C4orf54: variants seen among roughly 807,000 people sequenced by gnomAD.
C4orf54 encodes chromosome 4 open reading frame 54, also known as uncharacterized protein C4orf54.
Under a neutral mutation model 80.1 loss-of-function variants are expected in C4orf54, and 67 were observed. The ratio of observed to expected loss-of-function variants is 0.84; its 90% CI spans 0.69 to 1.03. The LOEUF (loss-of-function observed/expected upper bound fraction) is 1.03. C4orf54 is among the 50% of genes least tolerant of loss of function. C4orf54 has a pLI of 0.00. For synonymous variants in C4orf54, 1,000 were observed against 917.0 expected (o/e 1.09, Z -1.64); for missense variants, 2,434 against 2,253.5 (o/e 1.08, Z -1.62).
In C4orf54 at chr4:99,653,874, C is replaced by CA. The variant is rs1320905835; in HGVS notation, c.774dup (p.Ala259CysfsTer3). On this transcript the variant is annotated frameshift_variant, in exon 2 of 3. Coordinates refer to ENST00000511828, the MANE Select transcript of C4orf54 (RefSeq NM_001354435.2). LOFTEE classifies it high-confidence loss of function. The stretch of plus-strand genomic sequence containing the variant: ...GAGAAATTGCCACCCTCTTCAGAGG[C>CA]AGAGTGCTGGGATCTAGAGAGTTGG... 6.5e-7 allele frequency: 1 copy of CA among 1,536,174 alleles called. No homozygotes were observed. Among genetic ancestry groups the CA allele is most frequent in the African/African-American group, 1.4e-5 (1 of 73,038 alleles).
Position 99,652,027 on chromosome 4 carries a change from G to A in C4orf54, c.2622C>T (p.Ser874=), listed in dbSNP as rs113040434. The part of the protein sequence containing the change: ...RQSSRHSEAG[S]EYTVVSMSDA... ...CGGACATGCTGACCACTGTGTACTC[G>A]GAGCCGGCCTCGGAGTGACGAGAGC... The change falls in exon 2 of 3, where the codon TCC becomes TCT. Residue 874 remains serine (S), a synonymous_variant. Coordinates refer to ENST00000511828, the MANE Select transcript of C4orf54 (RefSeq NM_001354435.2). 4 of 1,536,080 alleles carry A rather than the reference G, an allele frequency of 2.6e-6. No homozygotes were observed. The highest frequency in any genetic ancestry group is 1.4e-5 in the African/African-American group (1 of 73,152).
Position 99,650,676 on chromosome 4 carries a change from C to A in C4orf54, c.3973G>T (p.Gly1325Ter), listed in dbSNP as rs1726800108. The change falls in exon 2 of 3, where the codon GGA becomes TGA. Residue 1325 changes from glycine to a stop codon, truncating the protein, a stop_gained. Transcript: ENST00000511828. LOFTEE classifies it high-confidence loss of function. The stretch of plus-strand genomic sequence containing the variant: ...CGCAGGACCACACCAGCTTTGTTTC[C>A]TGTGCCCCGCTCTTCCACCTCACCC... ...RLGEVEERGT[G>*]NKAGVVLRGA... 6.5e-7 allele frequency: 1 copy of A among 1,536,150 alleles called. No homozygotes were observed. The highest frequency in any genetic ancestry group is 1.4e-5 in the African/African-American group (1 of 73,166).
Position 99,650,635 on chromosome 4 carries a change from T to G in C4orf54, c.4014A>C (p.Glu1338Asp). 6.5e-7 allele frequency: 1 copy of G among 1,535,884 alleles called. No homozygotes were observed. The highest frequency in any genetic ancestry group is 8.7e-7 in the Non-Finnish European group (1 of 1,146,836). ...GGTTGGAGTTTCTCCGCTGCAGACG[T>G]TCTATGGGGGCCCCTCGCAGGACCA... ...AGVVLRGAPIERLQRRNSNPS... is the reference protein window; with the variant it reads ...AGVVLRGAPIDRLQRRNSNPS... The change falls in exon 2 of 3, where the codon GAA becomes GAC. Residue 1338 changes from glutamate (E) to aspartate (D), a missense_variant. Glu to Asp is a conservative substitution (Grantham distance 45). Transcript: ENST00000511828.
chr4:99,654,614 T>G lies in C4orf54; in HGVS notation c.35A>C (p.Gln12Pro), dbSNP rs1726949481. 1 of 699,630 alleles carries G rather than the reference T, an allele frequency of 1.4e-6. No homozygotes were observed. Among genetic ancestry groups the G allele is most frequent in the South Asian group, 1.5e-5 (1 of 67,526 alleles). 43.3% of individuals were successfully genotyped at this position (699,630 alleles called of 1,614,324 possible). A position where few individuals can be genotyped will look rare whatever the true frequency, so the allele number is the denominator to read the frequency against. ...LSFHFWKSRG[Q>P]PTDAASSVAD... ...CACGGAAGAAGCAGCATCTGTAGGT[T>G]GACCCCGGGACTTCCAGAAATGAAA... Residue 12 changes from glutamine (Q) to proline (P), a missense_variant, in exon 2 of 3, where the codon CAA becomes CCA. Gln to Pro is a moderately conservative substitution (Grantham distance 76, BLOSUM62 -1). Coordinates refer to ENST00000511828, the MANE Select transcript of C4orf54 (RefSeq NM_001354435.2).
Position 99,652,731 on chromosome 4 carries a change from C to G in C4orf54, c.1918G>C (p.Glu640Gln), listed in dbSNP as rs1156336890. The G allele has an allele frequency of 6.5e-7, 1 of 1,536,080 alleles. No individual in the cohort carries two copies. The highest frequency in any genetic ancestry group is 8.7e-7 in the Non-Finnish European group (1 of 1,146,888). The stretch of plus-strand genomic sequence containing the variant: ...TCCCGGGAGCTGATGTTCAGAGCCT[C>G]AAAGTAGGGGTAAGCCAGGCTCCGG... ...AFRSLAYPYF[E>Q]ALNISSRESS... Residue 640 changes from glutamate (E) to glutamine (Q), a missense_variant, in exon 2 of 3, where the codon GAG becomes CAG. Transcript: ENST00000511828.
chr4:99,652,297 C>A lies in C4orf54; in HGVS notation c.2352G>T (p.Thr784=). 1 of 1,535,894 alleles carries A rather than the reference C, an allele frequency of 6.5e-7. No homozygotes were observed. The highest frequency in any genetic ancestry group is 8.7e-7 in the Non-Finnish European group (1 of 1,146,790). ...GPGKGPGSAY[T]DDGSETSEGS... ...CCTCGGAGGTCTCGGAGCCGTCGTC[C>A]GTGTATGCCGACCCGGGACCCTTGC... Residue 784 remains threonine, a synonymous_variant, in exon 2 of 3, where the codon ACG becomes ACT. Coordinates refer to ENST00000511828, the MANE Select transcript of C4orf54 (RefSeq NM_001354435.2).
In C4orf54 at chr4:99,654,266, C is replaced by T. The variant is rs1178086525; in HGVS notation, c.383G>A (p.Ser128Asn). The part of the protein sequence containing the change: ...RGQRRTQDFP[S>N]DHHCLFLSLK... ...CGACAGGAAGAGACAATGGTGATCG[C>T]TGGGGAAGTCTTGGGTCCGTCTCTG... Residue 128 changes from serine (S) to asparagine (N), a missense_variant, in exon 2 of 3, where the codon AGC becomes AAC. Coordinates refer to ENST00000511828, the MANE Select transcript of C4orf54 (RefSeq NM_001354435.2). 6 of 1,536,114 alleles carry T rather than the reference C, an allele frequency of 3.9e-6. No individual in the cohort carries two copies. The Admixed American group carries it at 1.2e-4, about 30-fold the overall frequency.
Position 99,640,502 on chromosome 4 carries a change from C to T in C4orf54, c.*731G>A, listed in dbSNP as rs140375228. 26 of 152,250 alleles carry T rather than the reference C, an allele frequency of 1.7e-4. No individual in the cohort carries two copies. The East Asian group carries it at 4.2e-3, about 25-fold the overall frequency. 9.4% of individuals were successfully genotyped at this position (152,250 alleles called of 1,614,324 possible). A position where few individuals can be genotyped will look rare whatever the true frequency, so the allele number is the denominator to read the frequency against. On this transcript the variant is annotated 3_prime_UTR_variant, in exon 3 of 3. Coordinates refer to ENST00000511828, the MANE Select transcript of C4orf54 (RefSeq NM_001354435.2). ...GAGACTAAGTACTTAATTTTAGATGCAATCATTGGCTTTCCAGTATTTCAA... is the reference window on the plus strand; with the variant it reads ...GAGACTAAGTACTTAATTTTAGATGTAATCATTGGCTTTCCAGTATTTCAA...
At position 99,649,882 on chromosome 4, in the gene C4orf54, A is replaced by G; in HGVS notation, c.4767T>C (p.Pro1589=). The G allele has an allele frequency of 6.5e-7, 1 of 1,530,234 alleles. No individual in the cohort carries two copies. The highest frequency in any genetic ancestry group is 8.8e-7 in the Non-Finnish European group (1 of 1,142,156). The allele number at this position is 1,530,234 out of a possible 1,614,324, so 94.8% of individuals were successfully genotyped here. ...FSPPSMPAPA[P]AASAPVPTDP... is the part of the protein sequence containing the mutation. ...CTGTGGGGACGGGAGCTGAGGCTGC[A>G]GGTGCTGGGGCAGGCATGCTGGGTG... Residue 1589 remains proline, a synonymous_variant, in exon 2 of 3, where the codon CCT becomes CCC. Transcript: ENST00000511828.
chr4:99,652,764 G>A lies in C4orf54; in HGVS notation c.1885C>T (p.Arg629Trp), dbSNP rs1431404565. 2.0e-6 allele frequency: 3 copies of A among 1,536,138 alleles called. No individual in the cohort carries two copies. The highest frequency in any genetic ancestry group is 1.2e-5 in the South Asian group (1 of 84,062). ...ADKEVRNLTS[R>W]AFRSLAYPYF... is the part of the protein sequence containing the mutation. Reference sequence around the variant, plus strand: ...GGGTAAGCCAGGCTCCGGAAGGCCCGGGAGGTCAGGTTACGCACCTCTTTG... The same window carrying A: ...GGGTAAGCCAGGCTCCGGAAGGCCCAGGAGGTCAGGTTACGCACCTCTTTG... The change falls in exon 2 of 3, where the codon CGG becomes TGG. Residue 629 changes from arginine (R) to tryptophan (W), a missense_variant. Transcript: ENST00000511828.
Position 99,654,109 on chromosome 4 carries a change from TG to T in C4orf54, c.539del (p.Pro180HisfsTer32), listed in dbSNP as rs1219250094. ...DSQELKQQLWPLPKPSASSQR... is the reference protein window; with the variant it reads ...DSQELKQQLWXLPKPSASSQR... ...GGGAGGAGGCTGAAGGCTTGGGAAGTGGCCACAGCTGCTGCTTGAGCTCCTG... is the reference window on the plus strand; with the variant it reads ...GGGAGGAGGCTGAAGGCTTGGGAAGTGCCACAGCTGCTGCTTGAGCTCCTG... On this transcript the variant is annotated frameshift_variant, in exon 2 of 3. Coordinates refer to ENST00000511828, the MANE Select transcript of C4orf54 (RefSeq NM_001354435.2). LOFTEE classifies it high-confidence loss of function. 2.0e-5 allele frequency: 31 copies of T among 1,536,024 alleles called. No homozygotes were observed. Among genetic ancestry groups the T allele is most frequent in the Non-Finnish European group, 2.6e-5 (30 of 1,146,920 alleles).
chr4:99,637,745 G>A lies in C4orf54; in HGVS notation c.*3488C>T, dbSNP rs1329131844. The A allele has an allele frequency of 6.6e-6, 1 of 152,112 alleles. No homozygotes were observed. Among genetic ancestry groups the A allele is most frequent in the Non-Finnish European group, 1.5e-5 (1 of 68,020 alleles). The allele number at this position is 152,112 out of a possible 1,614,324, so 9.4% of individuals were successfully genotyped here. ...ACCTTTTTCTTTCAAGTATTTGGGT[G>A]AAATAGCATACCCTGAGAATTTGGG... On this transcript the variant is annotated 3_prime_UTR_variant, in exon 3 of 3. Transcript: ENST00000511828.
chr4:99,643,792 A>ACACACACACACACCC (rs61130907), intron 2 of C4orf54, among the ~76,000 whole-genome samples: 7 of 98,856 alleles, frequency 7.1e-5, no homozygotes, highest in Admixed American at 3.5e-4. Flanking sequence ...ACACACACAC[A>ACACACACACACACCC]CCCCCTCCGC....
chr4:99,646,971 A>T (rs1726710462), intron 2 of C4orf54, among the ~76,000 whole-genome samples: 1 of 152,204 alleles, frequency 6.6e-6, no homozygotes, highest in Non-Finnish European at 1.5e-5. Context: ...TCATTATTTC[A>T]ATTTGGCTAA....
In C4orf54 at chr4:99,650,101, G is replaced by A. The variant is rs1726778577; in HGVS notation, c.4548C>T (p.Pro1516=). Residue 1516 remains proline, a synonymous_variant, in exon 2 of 3, where the codon CCC becomes CCT. Coordinates refer to ENST00000511828, the MANE Select transcript of C4orf54 (RefSeq NM_001354435.2). The part of the protein sequence containing the change: ...LPPLSARSQV[P]SSSKGSQVSG... ...TAACCTGAGAGCCTTTGGAGCTACT[G>A]GGGACCTGACTGCGGGCACTCAGCG... 1 of 1,535,956 alleles carries A rather than the reference G, an allele frequency of 6.5e-7. No individual in the cohort carries two copies. Among genetic ancestry groups the A allele is most frequent in the Non-Finnish European group, 8.7e-7 (1 of 1,146,876 alleles).
Position 99,652,149 on chromosome 4 carries a change from C to A in C4orf54, c.2500G>T (p.Val834Phe). ...EHEFKMERGE[V>F]MDTSHHLSGT... The stretch of plus-strand genomic sequence containing the variant: ...GAGAGGTGGTGGGATGTATCCATGA[C>A]TTCTCCCCTCTCCATTTTGAACTCG... The change falls in exon 2 of 3, where the codon GTC (valine) becomes TTC (phenylalanine). Residue 834 changes from valine (V) to phenylalanine (F), a missense_variant. Physicochemically the swap from Val to Phe is conservative, Grantham distance 50. Coordinates refer to ENST00000511828, the MANE Select transcript of C4orf54 (RefSeq NM_001354435.2). 6.5e-7 allele frequency: 1 copy of A among 1,536,100 alleles called. No homozygotes were observed. Among genetic ancestry groups the A allele is most frequent in the Non-Finnish European group, 8.7e-7 (1 of 1,146,868 alleles).
In C4orf54 at chr4:99,650,024, G is replaced by A. The variant is rs1160806307; in HGVS notation, c.4625C>T (p.Thr1542Ile). ...WRTKPDNPRE[T>I]VAAPPGPQSP... Reference sequence around the variant, plus strand: ...CTGTGGCCCTGGGGGGGCAGCTACTGTCTCCCGGGGGTTGTCAGGTTTGGT... The same window carrying A: ...CTGTGGCCCTGGGGGGGCAGCTACTATCTCCCGGGGGTTGTCAGGTTTGGT... The change falls in exon 2 of 3, where the codon ACA becomes ATA. Residue 1542 changes from threonine (T) to isoleucine (I), a missense_variant. Physicochemically the swap from Thr to Ile is moderately conservative, Grantham distance 89. Coordinates refer to ENST00000511828, the MANE Select transcript of C4orf54 (RefSeq NM_001354435.2). 1.3e-6 allele frequency: 2 copies of A among 1,535,504 alleles called. No homozygotes were observed. Among genetic ancestry groups the A allele is most frequent in the African/African-American group, 1.4e-5 (1 of 73,052 alleles).
chr4:99,654,502 TG>T lies in C4orf54; in HGVS notation c.146del (p.Thr49LysfsTer36). The stretch of plus-strand genomic sequence containing the variant: ...GGGGGGCTGCTGCTCCGGCCGAGAC[TG>T]TGGCCAGTGTTCTGTAGCTGAGCTG... The part of the protein sequence containing the change: ...TGQLSYRTLA[T>X]VSAGAAAPQP... On this transcript the variant is annotated frameshift_variant, in exon 2 of 3. Transcript: ENST00000511828. LOFTEE classifies it high-confidence loss of function. 1 of 703,786 alleles carries T rather than the reference TG, an allele frequency of 1.4e-6. No homozygotes were observed. Among genetic ancestry groups the T allele is most frequent in the South Asian group, 1.5e-5 (1 of 67,604 alleles). The allele number at this position is 703,786 out of a possible 1,614,324, so 43.6% of individuals were successfully genotyped here.
At chr4:99,646,670 G>A (rs1726706066) in intron 2 of C4orf54, among the ~76,000 whole-genome samples, 1 of 152,178 alleles carries the variant, frequency 6.6e-6, no homozygotes, top group Admixed American at 6.5e-5. Context: ...TTTCTTCTCT[G>A]TGAAATACTG....
Sources: gnomAD v4.1 joint callset for allele counts (sites outside exome capture counted in the v4.1 genomes callset) on GRCh38, gnomAD v4.1.1 for gene constraint, MANE v1.5 for transcripts, NCBI Gene and HGNC (gene_info 2026-07-23, HGNC 2026-07-21) for gene names.